SLC6A6: variants seen among roughly 807,000 people sequenced by gnomAD.
The protein encoded by SLC6A6 is solute carrier family 6 member 6.
In SLC6A6, 16 loss-of-function variants were observed where a neutral mutation model predicts 68.8. The ratio of observed to expected loss-of-function variants is 0.23; its 90% CI spans 0.16 to 0.35. The LOEUF (loss-of-function observed/expected upper bound fraction) is 0.35. Among genes scored for constraint, SLC6A6 ranks in the 10% least tolerant of loss-of-function variants. SLC6A6 has a pLI of 1.00. For missense variants in SLC6A6, 474 were observed against 802.8 expected (o/e 0.59, Z 4.95); for synonymous variants, 312 against 315.4 (o/e 0.99, Z 0.12).
At chr3:14,462,739 A>G (rs1258936175) in intron 6 of SLC6A6, among the ~76,000 whole-genome samples, 1 of 152,202 alleles carries the variant, frequency 6.6e-6, no homozygotes, top group Non-Finnish European at 1.5e-5. Flanking sequence ...ACAGAGGAAC[A>G]GGTAATTCAG....
At chr3:14,429,600 A>T (rs1699677962) in intron 2 of SLC6A6, among the ~76,000 whole-genome samples, 1 of 152,230 alleles carries the variant, frequency 6.6e-6, no homozygotes. Flanking sequence ...CCAGTTCATT[A>T]TTAGCACCGC....
chr3:14,429,945 TG>T (rs1007230181), intron 2 of SLC6A6, among the ~76,000 whole-genome samples: 1 of 141,962 alleles, frequency 7.0e-6, no homozygotes, highest in Non-Finnish European at 1.5e-5. Context: ...TGGTGAATGG[TG>T]GGGGTGATTT....
In SLC6A6 at chr3:14,409,260, C is replaced by T. The variant is rs145057455; in HGVS notation, c.-54+6413C>T. Among the ~76,000 whole-genome samples the T allele has an allele frequency of 2.8e-3, 422 of 152,358 alleles. 1 individual carries two copies. Among genetic ancestry groups the T allele is most frequent in the African/African-American group, 9.4e-3 (392 of 41,576 alleles). Reference sequence around the variant, plus strand: ...CCAGCCTGCATTTGGGAGCCACTGACTTTGCGTGTCCTGTCTGATCACCCC... The same window carrying T: ...CCAGCCTGCATTTGGGAGCCACTGATTTTGCGTGTCCTGTCTGATCACCCC... On this transcript the variant is annotated intron_variant, in intron 1 of 14. Transcript: ENST00000622186.
intron 6 of SLC6A6, among the ~76,000 whole-genome samples, chr3:14,461,332 G>A (rs1700488813): frequency 6.6e-6 from 1 of 152,230 alleles, no homozygotes; most frequent in Non-Finnish European, 1.5e-5. Context: ...GCATCCCACA[G>A]CTTGTCAGTG....
At chr3:14,436,314 C>A (rs1348924388) in intron 2 of SLC6A6, among the ~76,000 whole-genome samples, 2 of 152,280 alleles carry the variant, frequency 1.3e-5, no homozygotes, top group Admixed American at 6.5e-5. Flanking sequence ...GATCCTCCTA[C>A]CGCAGCCTCC....
intron 3 of SLC6A6, chr3:14,444,111 C>T: frequency 2.2e-6 from 1 of 446,386 alleles, no homozygotes; most frequent in Non-Finnish European, 4.1e-6. Context: ...CCCTCAGCCT[C>T]TCTGGTCCTC....
intron 2 of SLC6A6, among the ~76,000 whole-genome samples, chr3:14,439,662 TGCCAAGGAAAACA>T (rs939344597): frequency 2.4e-4 from 36 of 152,162 alleles, no homozygotes; most frequent in Non-Finnish European, 3.8e-4. Context: ...CTGGGCCCAG[TGCCAAGGAAAACA>T]GCCCTTGTCG....
intron 10 of SLC6A6, among the ~76,000 whole-genome samples, chr3:14,476,167 A>G (rs528019066): frequency 6.6e-6 from 1 of 152,194 alleles, no homozygotes; most frequent in East Asian, 1.9e-4. Flanking sequence ...ATCCAAATTT[A>G]AAGTGCTGCT....
intron 1 of SLC6A6, among the ~76,000 whole-genome samples, chr3:14,407,784 G>C (rs1280188909): frequency 2.0e-5 from 3 of 152,128 alleles, no homozygotes; most frequent in African/African-American, 7.2e-5. Flanking sequence ...GGGATTACAG[G>C]CATGCCCCAC....
rs1701196504 is a variant in SLC6A6 at position 14,487,347 on chromosome 3, A to G, written c.*2340A>G. 6.5e-6 allele frequency: 1 copy of G among 152,816 alleles called. No individual in the cohort carries two copies. Among genetic ancestry groups the G allele is most frequent in the Admixed American group, 6.5e-5 (1 of 15,286 alleles). The allele number at this position is 152,816 out of a possible 1,614,324, so 9.5% of individuals were successfully genotyped here. On this transcript the variant is annotated 3_prime_UTR_variant, in exon 15 of 15. Coordinates refer to ENST00000622186, the MANE Select transcript of SLC6A6 (RefSeq NM_003043.6). ...ACTCTCCCCAAGGCACCTGTCTCCAATCAGAGCCCTCTCGCCCAGCCAGCC... is the reference window on the plus strand; with the variant it reads ...ACTCTCCCCAAGGCACCTGTCTCCAGTCAGAGCCCTCTCGCCCAGCCAGCC...
chr3:14,416,142 C>T (rs931560159), intron 1 of SLC6A6, among the ~76,000 whole-genome samples: 3 of 152,108 alleles, frequency 2.0e-5, no homozygotes, highest in African/African-American at 7.2e-5. Flanking sequence ...TGGCTGTGAA[C>T]ATGTGTGTGG....
chr3:14,429,338 G>A (rs1350363260), intron 2 of SLC6A6, among the ~76,000 whole-genome samples: 1 of 152,182 alleles, frequency 6.6e-6, no homozygotes, highest in African/African-American at 2.4e-5. Flanking sequence ...AGGGCCTGGT[G>A]AGGAGCAGCA....
intron 3 of SLC6A6, among the ~76,000 whole-genome samples, chr3:14,444,547 C>T (rs959684630): frequency 5.8e-4 from 88 of 152,264 alleles, no homozygotes; most frequent in African/African-American, 1.9e-3. Flanking sequence ...CAGCACCTAA[C>T]GGTGGTTTCT....
intron 5 of SLC6A6, among the ~76,000 whole-genome samples, chr3:14,455,090 A>G (rs187812310): frequency 3.7e-4 from 57 of 152,272 alleles, no homozygotes; most frequent in African/African-American, 1.3e-3. Context: ...GGGGGGTACT[A>G]TGTCTCTGGC....
rs187405187 is a variant in SLC6A6 at position 14,451,088 on chromosome 3, C to T, written c.599+3272C>T. On this transcript the variant is annotated intron_variant, in intron 5 of 14. Coordinates refer to ENST00000622186, the MANE Select transcript of SLC6A6 (RefSeq NM_003043.6). ...CCAGCACTGGCCTCTTGGATCTCTC[C>T]GTGCCTTATCCTTGCACCTCCGTAA... Among the ~76,000 whole-genome samples, 27 of 152,354 alleles carry T rather than the reference C, an allele frequency of 1.8e-4. No homozygotes were observed. In the East Asian group the frequency reaches 3.9e-3, roughly 22 times the overall value.
intron 4 of SLC6A6, among the ~76,000 whole-genome samples, chr3:14,446,321 C>T (rs1290448928): frequency 7.9e-5 from 12 of 152,136 alleles, no homozygotes; most frequent in Non-Finnish European, 1.3e-4. Flanking sequence ...AACAGAAAAA[C>T]AAATACCACG....
At position 14,485,104 on chromosome 3, in the gene SLC6A6, A is replaced by T. The variant is rs1701116861; in HGVS notation, c.*97A>T. On this transcript the variant is annotated 3_prime_UTR_variant, in exon 15 of 15. Coordinates refer to ENST00000622186, the MANE Select transcript of SLC6A6 (RefSeq NM_003043.6). ...TACAGAGCTTTATATTTGCACTAGGATTTTTTTTTTTTTGTAATTGTCACA... is the reference window on the plus strand; with the variant it reads ...TACAGAGCTTTATATTTGCACTAGGTTTTTTTTTTTTTTGTAATTGTCACA... 3 of 778,560 alleles carry T rather than the reference A, an allele frequency of 3.9e-6. No homozygotes were observed. Among genetic ancestry groups the T allele is most frequent in the South Asian group, 2.2e-5 (1 of 46,256 alleles). 48.2% of individuals were successfully genotyped at this position (778,560 alleles called of 1,614,324 possible). A position where few individuals can be genotyped will look rare whatever the true frequency, so the allele number is the denominator to read the frequency against.
In SLC6A6 at chr3:14,488,150, T is replaced by A. The variant is rs1482704948; in HGVS notation, c.*3143T>A. 1 of 152,586 alleles carries A rather than the reference T, an allele frequency of 6.6e-6. No individual in the cohort carries two copies. The highest frequency in any genetic ancestry group is 1.5e-5 in the Non-Finnish European group (1 of 68,046). The allele number at this position is 152,586 out of a possible 1,614,324, so 9.5% of individuals were successfully genotyped here. A position where few individuals can be genotyped will look rare whatever the true frequency, so the allele number is the denominator to read the frequency against. ...GCAGAGAAGCCAGAGGTGTGCCAGA[T>A]CCTTAGGCAGGATTTAGATGAAGTC... On this transcript the variant is annotated 3_prime_UTR_variant, in exon 15 of 15. Transcript: ENST00000622186.
chr3:14,429,809 C>G (rs1207019810), intron 2 of SLC6A6, among the ~76,000 whole-genome samples: 1 of 152,216 alleles, frequency 6.6e-6, no homozygotes, highest in Non-Finnish European at 1.5e-5. Flanking sequence ...TAAGATCCCA[C>G]AGACTTCAGC....
Sources: gnomAD v4.1 joint callset for allele counts (sites outside exome capture counted in the v4.1 genomes callset) on GRCh38, gnomAD v4.1.1 for gene constraint, MANE v1.5 for transcripts, NCBI Gene and HGNC (gene_info 2026-07-23, HGNC 2026-07-21) for gene names.